SRPRA: variants seen among roughly 807,000 people sequenced by gnomAD.
The protein encoded by SRPRA is SRP receptor subunit alpha, also known as signal recognition particle receptor subunit alpha.
In SRPRA, 30 loss-of-function variants were observed where a neutral mutation model predicts 61.1. The ratio of observed to expected loss-of-function variants is 0.49; its 90% CI spans 0.37 to 0.67. The LOEUF (loss-of-function observed/expected upper bound fraction) is 0.67. SRPRA is among the 30% of genes least tolerant of loss of function. The pLI is 0.00. For synonymous variants in SRPRA, 324 were observed against 299.7 expected (o/e 1.08, Z -0.84); for missense variants, 759 against 828.4 (o/e 0.92, Z 1.03).
At chr11:126,236,219 G>A in the SRPRA span, among the ~76,000 whole-genome samples, 1 of 152,184 alleles carries the variant, frequency 6.6e-6, no homozygotes, top group South Asian at 2.1e-4. Context: ...TTTGGTGCAC[G>A]CCTTTGTTTT....
the SRPRA span, among the ~76,000 whole-genome samples, chr11:126,249,658 C>G: frequency 8.0e-6 from 1 of 125,582 alleles, no homozygotes; most frequent in African/African-American, 2.9e-5. Flanking sequence ...TTGAACCTGG[C>G]GGGGCGGAGG....
the SRPRA span, among the ~76,000 whole-genome samples, chr11:126,247,129 C>G: frequency 6.6e-6 from 1 of 152,058 alleles, no homozygotes; most frequent in African/African-American, 2.4e-5. Flanking sequence ...CCTGTCTGTA[C>G]GAAAAATTTA....
rs773752663 is a variant in SRPRA at position 126,265,692 on chromosome 11, A to G, written c.1138+45T>C. The G allele has an allele frequency of 1.3e-6, 2 of 1,599,848 alleles. No individual in the cohort carries two copies. Among genetic ancestry groups the G allele is most frequent in the Non-Finnish European group, 1.7e-6 (2 of 1,167,512 alleles). The stretch of plus-strand genomic sequence containing the variant: ...ACCTAGTAAGAACTGAGGTCTATGC[A>G]CTTAACCTACACATAAGCACTTTCT... On this transcript the variant is annotated intron_variant, in intron 9 of 13. Coordinates refer to ENST00000332118, the MANE Select transcript of SRPRA (RefSeq NM_003139.4). This position sits in a 1 kb window ranked among gnomAD's most constrained non-coding sequence, Gnocchi z 6.3.
At chr11:126,243,804 T>G in the SRPRA span, among the ~76,000 whole-genome samples, 1 of 150,992 alleles carries the variant, frequency 6.6e-6, no homozygotes, top group Admixed American at 6.7e-5. Context: ...CCCAGGAGGC[T>G]GAGGCAGGAG....
chr11:126,267,857 G>A lies in SRPRA; in HGVS notation c.202-145C>T. The A allele has an allele frequency of 2.2e-6, 3 of 1,380,058 alleles. No homozygotes were observed. Among genetic ancestry groups the A allele is most frequent in the Non-Finnish European group, 3.0e-6 (3 of 993,916 alleles). The allele number at this position is 1,380,058 out of a possible 1,614,324, so 85.5% of individuals were successfully genotyped here. A position where few individuals can be genotyped will look rare whatever the true frequency, so the allele number is the denominator to read the frequency against. ...GAGAGGCAGCCAAGCTCCCTGCCTGGGCCCAGTAGCTGCTGTTTTCCCCCA... is the reference window on the plus strand; with the variant it reads ...GAGAGGCAGCCAAGCTCCCTGCCTGAGCCCAGTAGCTGCTGTTTTCCCCCA... On this transcript the variant is annotated intron_variant, in intron 2 of 13. Transcript: ENST00000332118. The surrounding 1 kb of genome is among the most constrained non-coding windows in gnomAD (Gnocchi z 4.2).
chr11:126,238,487 G>A, the SRPRA span, among the ~76,000 whole-genome samples: 1 of 152,148 alleles, frequency 6.6e-6, no homozygotes, highest in Non-Finnish European at 1.5e-5. Context: ...TTTCCTAACT[G>A]GATGGGGGAT....
chr11:126,266,124 CAGG>C, intron 7 of SRPRA, 43 bp from the exon 8 acceptor site: 2 of 1,612,666 alleles, frequency 1.2e-6, no homozygotes, highest in South Asian at 1.1e-5. Flanking sequence ...AACCAGTAGG[CAGG>C]AGTTGTATCT....
At chr11:126,257,763 T>A in the SRPRA span, among the ~76,000 whole-genome samples, 3 of 152,184 alleles carry the variant, frequency 2.0e-5, no homozygotes, top group African/African-American at 7.2e-5. Context: ...AAACTTACTT[T>A]TAGAAATGCT....
chr11:126,260,626 A>T (rs555504626), downstream of SRPRA: 6 of 152,282 alleles, frequency 3.9e-5, no homozygotes, highest in East Asian at 1.2e-3. Context: ...AATTTCCTTG[A>T]TGAGTTCTCA....
chr11:126,238,673 C>T, the SRPRA span, among the ~76,000 whole-genome samples: 8 of 152,276 alleles, frequency 5.3e-5, no homozygotes, highest in Non-Finnish European at 1.2e-4. Context: ...AAACCTCTAG[C>T]CTGCTGAAAG....
At chr11:126,249,477 A>T in the SRPRA span, among the ~76,000 whole-genome samples, 1 of 141,336 alleles carries the variant, frequency 7.1e-6, no homozygotes, top group Non-Finnish European at 1.6e-5. Flanking sequence ...TCACACCTGT[A>T]ATCCCAGCAC....
chr11:126,253,871 TTG>T, the SRPRA span, among the ~76,000 whole-genome samples: 1 of 152,170 alleles, frequency 6.6e-6, no homozygotes, highest in Non-Finnish European at 1.5e-5. This position sits in a 1 kb window ranked among gnomAD's most constrained non-coding sequence, Gnocchi z 5.1. Context: ...AAGCTTCTGC[TTG>T]TGTGTGTTTG....
At chr11:126,249,831 G>A in the SRPRA span, among the ~76,000 whole-genome samples, 4 of 151,782 alleles carry the variant, frequency 2.6e-5, no homozygotes, top group Admixed American at 1.3e-4. Flanking sequence ...CAAGATGAAC[G>A]GAAAGTGTTG....
At chr11:126,262,258 G>A, downstream of SRPRA, 2 of 1,035,428 alleles carry the variant, frequency 1.9e-6, no homozygotes, top group South Asian at 1.3e-5. Flanking sequence ...AGAGGTTGAA[G>A]GGCGGGGTAG....
In SRPRA at chr11:126,266,171, C is replaced by A. The variant is rs974245490; in HGVS notation, c.932+16G>T. ...TTGCAGATGCATATACCAACCCCCA[C>A]CTGAAATTCCCCTACCTAGGTTTGG... On this transcript the variant is annotated intron_variant, in intron 7 of 13. Transcript: ENST00000332118. 1.2e-6 allele frequency: 2 copies of A among 1,613,946 alleles called. No individual in the cohort carries two copies. The highest frequency in any genetic ancestry group is 1.3e-5 in the African/African-American group (1 of 75,032).
At position 126,263,666 on chromosome 11, in the gene SRPRA, G is replaced by A. The variant is rs11602294; in HGVS notation, c.*250C>T. Reference sequence around the variant, plus strand: ...CTGAGTCTGTAGGCAGAGTGAAGGGGGTGCCTGAGTAGGAAGGGGGAGGCC... The same window carrying A: ...CTGAGTCTGTAGGCAGAGTGAAGGGAGTGCCTGAGTAGGAAGGGGGAGGCC... On this transcript the variant is annotated 3_prime_UTR_variant, in exon 14 of 14. Coordinates refer to ENST00000332118, the MANE Select transcript of SRPRA (RefSeq NM_003139.4). The A allele has an allele frequency of 6.2e-3, 3,085 of 496,344 alleles. 20 individuals are homozygous for A. The highest frequency in any genetic ancestry group is 0.023 in the Middle Eastern group (41 of 1,802). The allele number at this position is 496,344 out of a possible 1,614,324, so 30.7% of individuals were successfully genotyped here.
At chr11:126,255,355 T>C in the SRPRA span, among the ~76,000 whole-genome samples, 1 of 152,112 alleles carries the variant, frequency 6.6e-6, no homozygotes, top group African/African-American at 2.4e-5. The surrounding 1 kb of genome is among the most constrained non-coding windows in gnomAD (Gnocchi z 4.6). Context: ...ACCGAGAAAA[T>C]GTATTGTCTA....
chr11:126,236,561 A>G, the SRPRA span, among the ~76,000 whole-genome samples: 1 of 152,212 alleles, frequency 6.6e-6, no homozygotes, highest in African/African-American at 2.4e-5. Context: ...ACAGTGATGT[A>G]TCTTGTCATA....
chr11:126,259,425 CTT>C (rs397945854), downstream of SRPRA, among the ~76,000 whole-genome samples: 12 of 129,392 alleles, frequency 9.3e-5, no homozygotes, highest in Admixed American at 8.2e-5. Flanking sequence ...CGTTGTGGTA[CTT>C]TTTTTTTTTT....
Sources: allele counts gnomAD v4.1 joint callset (sites outside exome capture counted in the v4.1 genomes callset), GRCh38; gene constraint gnomAD v4.1.1; non-coding constraint Gnocchi (gnomAD v3.1); transcripts MANE v1.5; gene names NCBI Gene and HGNC (gene_info 2026-07-23, HGNC 2026-07-21).